LRP1B: variants seen among roughly 807,000 people sequenced by gnomAD.
The protein encoded by LRP1B is LDL receptor related protein 1B.
In LRP1B, 217 loss-of-function variants were observed where a neutral mutation model predicts 556.6. That is an observed-to-expected ratio of 0.39 (90% CI 0.35 to 0.44). The LOEUF is 0.44. LRP1B is among the 20% of genes least tolerant of loss of function. The pLI, the probability that LRP1B is intolerant of heterozygous loss-of-function variation, is 1.00. For synonymous variants in LRP1B, 2,047 were observed against 1,865.8 expected (o/e 1.10, Z -2.50); for missense variants, 5,053 against 5,620.8 (o/e 0.90, Z 3.23).
intron 41 of LRP1B, among the ~76,000 whole-genome samples, chr2:140,630,956 C>A (rs1372535191): frequency 1.3e-5 from 2 of 152,142 alleles, no homozygotes; most frequent in Non-Finnish European, 2.9e-5. Flanking sequence ...TTCCCCCAAA[C>A]CTTACCACTA....
chr2:142,086,079 A>G (rs537738148), intron 1 of LRP1B, among the ~76,000 whole-genome samples: 2 of 152,348 alleles, frequency 1.3e-5, no homozygotes, highest in South Asian at 2.1e-4. Context: ...AAGTTGCATT[A>G]AAGTAGGATT....
intron 60 of LRP1B, among the ~76,000 whole-genome samples, chr2:140,458,147 A>C (rs908256144): frequency 4.6e-5 from 7 of 152,136 alleles, no homozygotes; most frequent in Admixed American, 3.9e-4. Flanking sequence ...ACTACCTGGA[A>C]ATAAAGTGGT....
chr2:140,898,829 A>T, intron 23 of LRP1B: 1 of 492,538 alleles, frequency 2.0e-6, no homozygotes, highest in Admixed American at 2.3e-5. Context: ...GATGTGGTGG[A>T]TCTTTCCAAG....
chr2:140,499,015 G>C (rs1039354469), intron 55 of LRP1B, among the ~76,000 whole-genome samples: 1 of 151,858 alleles, frequency 6.6e-6, no homozygotes, highest in Non-Finnish European at 1.5e-5. Context: ...CGCACACCTT[G>C]TGAAGGATTA....
chr2:141,870,133 A>G (rs987255466), intron 1 of LRP1B, among the ~76,000 whole-genome samples: 2 of 152,016 alleles, frequency 1.3e-5, no homozygotes, highest in South Asian at 2.1e-4. Context: ...TTTAGATTTC[A>G]TGATTTCACA....
chr2:141,466,565 G>A (rs564443322), intron 3 of LRP1B, among the ~76,000 whole-genome samples: 4 of 151,462 alleles, frequency 2.6e-5, no homozygotes, highest in Non-Finnish European at 2.9e-5. Context: ...TAGATACTGT[G>A]TTTAATCAGG....
At chr2:140,396,071 A>G (rs997198414) in intron 66 of LRP1B, among the ~76,000 whole-genome samples, 9 of 152,180 alleles carry the variant, frequency 5.9e-5, no homozygotes, top group African/African-American at 2.2e-4. Flanking sequence ...GTAATGTTGT[A>G]CAAACAAATT....
At chr2:141,052,494 T>G (rs948411188) in intron 10 of LRP1B, among the ~76,000 whole-genome samples, 1 of 152,054 alleles carries the variant, frequency 6.6e-6, no homozygotes, top group Non-Finnish European at 1.5e-5. Context: ...TACCTATTGT[T>G]GGATAGCTAT....
chr2:142,092,650 GTT>G (rs1437984227), intron 1 of LRP1B, among the ~76,000 whole-genome samples: 10 of 150,848 alleles, frequency 6.6e-5, no homozygotes, highest in South Asian at 2.1e-4. Flanking sequence ...GTGTGTGTGT[GTT>G]TTTGTATGGG....
At chr2:140,654,291 G>C (rs1684795273) in intron 41 of LRP1B, among the ~76,000 whole-genome samples, 1 of 151,986 alleles carries the variant, frequency 6.6e-6, no homozygotes, top group African/African-American at 2.4e-5. Context: ...AAAAATCTGA[G>C]GAGACAACAA....
chr2:141,171,458 A>G (rs991856561), intron 7 of LRP1B, among the ~76,000 whole-genome samples: 5 of 152,006 alleles, frequency 3.3e-5, no homozygotes, highest in African/African-American at 1.2e-4. Context: ...ACCAAATTCT[A>G]TGTGTCATTT....
At chr2:140,494,518 T>C (rs1383789106) in intron 56 of LRP1B, among the ~76,000 whole-genome samples, 1 of 147,020 alleles carries the variant, frequency 6.8e-6, no homozygotes, top group East Asian at 2.0e-4. Flanking sequence ...GGCGGGAGAA[T>C]GGTGTGAACC....
intron 3 of LRP1B, among the ~76,000 whole-genome samples, chr2:141,380,038 A>G (rs1186124120): frequency 6.6e-6 from 1 of 152,132 alleles, no homozygotes; most frequent in Non-Finnish European, 1.5e-5. Flanking sequence ...AAAGAATTCA[A>G]CTACACTAAT....
chr2:141,583,660 A>C (rs867370957), intron 2 of LRP1B, among the ~76,000 whole-genome samples: 1 of 151,658 alleles, frequency 6.6e-6, no homozygotes. Flanking sequence ...ATATATATAA[A>C]CTATGAAATG....
chr2:141,517,259 T>TACACACACACACACACATACAC (rs71281835), intron 2 of LRP1B, among the ~76,000 whole-genome samples: 4,453 of 141,470 alleles, frequency 0.031, 257 homozygotes, highest in African/African-American at 0.11. Context: ...AGGACAAGAA[T>TACACACACACACACACATACAC]ACGCACACAC....
chr2:140,680,382 C>T (rs1389161321), intron 41 of LRP1B, among the ~76,000 whole-genome samples: 1 of 152,036 alleles, frequency 6.6e-6, no homozygotes, highest in Non-Finnish European at 1.5e-5. Context: ...TGGTCTGCAT[C>T]TCGTTATTGG....
At chr2:140,795,476 A>G (rs77877778) in intron 32 of LRP1B, among the ~76,000 whole-genome samples, 3,103 of 152,240 alleles carry the variant, frequency 0.02, 104 homozygotes, top group African/African-American at 0.071. Context: ...TAGTTTAAAT[A>G]TGGAACAATA....
chr2:140,838,614 C>A (rs1486757457), intron 31 of LRP1B, among the ~76,000 whole-genome samples: 1 of 151,918 alleles, frequency 6.6e-6, no homozygotes, highest in Admixed American at 6.6e-5. Context: ...AAGAAAAAAT[C>A]GACAAGCTTC....
intron 66 of LRP1B, among the ~76,000 whole-genome samples, chr2:140,390,768 TCACA>T (rs70985096): frequency 0.019 from 2,686 of 143,750 alleles, 42 homozygotes; most frequent in South Asian, 0.075. Context: ...AATAGAAACT[TCACA>T]CACACACACA....
Sources: gnomAD v4.1 joint callset for allele counts (sites outside exome capture counted in the v4.1 genomes callset) on GRCh38, gnomAD v4.1.1 for gene constraint, MANE v1.5 for transcripts, NCBI Gene and HGNC (gene_info 2026-07-23, HGNC 2026-07-21) for gene names.